Variants in FOXP1 observed in about 807,000 individuals in gnomAD.
FOXP1 encodes the protein forkhead box P1, also known as forkhead box protein P1.
A neutral mutation model predicts 98.2 loss-of-function variants in FOXP1; 15 were observed. The observed-to-expected ratio is 0.15, with a 90% CI of 0.10 to 0.24. The LOEUF (loss-of-function observed/expected upper bound fraction) is 0.24. Ranked by LOEUF, FOXP1 falls within the 10% of genes least tolerant of loss-of-function variation. The pLI is 1.00. For missense variants in FOXP1, 633 were observed against 848.5 expected (o/e 0.75, Z 3.15); for synonymous variants, 371 against 314.5 (o/e 1.18, Z -1.90).
chr3:71,448,054 G>A (rs1323598320), intron 3 of FOXP1, among the ~76,000 whole-genome samples: 3 of 152,114 alleles, frequency 2.0e-5, no homozygotes, highest in East Asian at 1.9e-4. Context: ...AACCCTTCAC[G>A]GGTTGATGCC....
intron 3 of FOXP1, among the ~76,000 whole-genome samples, chr3:71,377,259 GT>G (rs1289333262): frequency 1.3e-4 from 20 of 152,150 alleles, no homozygotes; most frequent in Admixed American, 8.5e-4. Flanking sequence ...TAAAATGGAT[GT>G]TTAAAGCGCT....
At chr3:71,413,039 T>C (rs955990623) in intron 3 of FOXP1, among the ~76,000 whole-genome samples, 2 of 152,004 alleles carry the variant, frequency 1.3e-5, no homozygotes, top group African/African-American at 2.4e-5. Flanking sequence ...GGCTTCGTCT[T>C]TGAAAAACAC....
chr3:71,092,610 T>A (rs556914643), intron 7 of FOXP1, among the ~76,000 whole-genome samples: 26 of 152,286 alleles, frequency 1.7e-4, no homozygotes, highest in Admixed American at 4.6e-4. Flanking sequence ...AGGGTATTTT[T>A]CAAATTCTTT....
At chr3:71,101,260 T>G (rs1013969433) in intron 7 of FOXP1, among the ~76,000 whole-genome samples, 1 of 152,074 alleles carries the variant, frequency 6.6e-6, no homozygotes, top group African/African-American at 2.4e-5. Flanking sequence ...ATACTGAAAT[T>G]CATGTGAAGG....
Position 71,065,994 on chromosome 3 carries a change from GACAC to G in FOXP1, c.283-12225_283-12222del, listed in dbSNP as rs1038388135. ...CTTCCTGGCCTGTATATTTTTTAAA[GACAC>G]ACACACAAAATCCCCACACACATTT... On this transcript the variant is annotated intron_variant, in intron 7 of 20. Coordinates refer to ENST00000649528, the MANE Select transcript of FOXP1 (RefSeq NM_001349338.3). Among the ~76,000 whole-genome samples, 8 of 144,668 alleles carry G rather than the reference GACAC, an allele frequency of 5.5e-5. No individual in the cohort carries two copies. The East Asian group carries it at 6.3e-4, about 11-fold the overall frequency. 94.9% of individuals were successfully genotyped at this position (144,668 alleles called of 152,430 possible). A position where few individuals can be genotyped will look rare whatever the true frequency, so the allele number is the denominator to read the frequency against.
chr3:71,069,350 A>G (rs1265842365), intron 7 of FOXP1, among the ~76,000 whole-genome samples: 1 of 152,232 alleles, frequency 6.6e-6, no homozygotes, highest in East Asian at 1.9e-4. Flanking sequence ...CCCTTACTCT[A>G]AAAGCATTCA....
intron 3 of FOXP1, among the ~76,000 whole-genome samples, chr3:71,490,514 G>A (rs936144676): frequency 4.0e-5 from 6 of 151,728 alleles, no homozygotes; most frequent in Non-Finnish European, 8.8e-5. Context: ...AAAAAAATGG[G>A]AGGAGAATAG....
At chr3:71,533,496 TTA>T (rs2044030408) in intron 2 of FOXP1, among the ~76,000 whole-genome samples, 1 of 152,200 alleles carries the variant, frequency 6.6e-6, no homozygotes, top group Non-Finnish European at 1.5e-5. Flanking sequence ...AATTGACTGT[TTA>T]TGTTACCAGG....
intron 3 of FOXP1, among the ~76,000 whole-genome samples, chr3:71,434,919 G>A (rs1037696602): frequency 6.6e-6 from 1 of 151,934 alleles, no homozygotes; most frequent in Non-Finnish European, 1.5e-5. Context: ...ACAGTTTAAA[G>A]CGCTTGGCTA....
At chr3:71,025,044 G>C (rs1041452302) in intron 11 of FOXP1, among the ~76,000 whole-genome samples, 1 of 152,126 alleles carries the variant, frequency 6.6e-6, no homozygotes, top group East Asian at 1.9e-4. Flanking sequence ...AAGTTTTTAT[G>C]AGTACATCAG....
rs1243607060 is a variant in FOXP1 at position 71,412,962 on chromosome 3, AAG to A, written c.-167-53720_-167-53719del. Among the ~76,000 whole-genome samples, 3 of 152,300 alleles carry A rather than the reference AAG, an allele frequency of 2.0e-5. No individual in the cohort carries two copies. The East Asian group carries it at 5.8e-4, about 29-fold the overall frequency. ...CACATATGCAGTAAGAGTTTAAAAA[AAG>A]GAGGAATTTCAGTAGGTGCTTTGTC... On this transcript the variant is annotated intron_variant, in intron 3 of 20. Coordinates refer to ENST00000649528, the MANE Select transcript of FOXP1 (RefSeq NM_001349338.3).
intron 5 of FOXP1, among the ~76,000 whole-genome samples, chr3:71,246,350 A>G (rs2067750858): frequency 6.6e-6 from 1 of 152,196 alleles, no homozygotes; most frequent in African/African-American, 2.4e-5. Context: ...AACATGTGCC[A>G]TGAGCAAAAG....
intron 1 of FOXP1, chr3:71,582,588 C>A: frequency 1.0e-6 from 1 of 985,468 alleles, no homozygotes; most frequent in Non-Finnish European, 1.2e-6. Flanking sequence ...CTTGGGAAAT[C>A]TCCCCGTCCC....
chr3:71,226,699 C>T (rs1412793366), intron 5 of FOXP1, among the ~76,000 whole-genome samples: 1 of 151,902 alleles, frequency 6.6e-6, no homozygotes, highest in Non-Finnish European at 1.5e-5. Flanking sequence ...TCTTAGTATC[C>T]CTTTCTCTCT....
chr3:71,455,106 A>C (rs2087343846), intron 3 of FOXP1, among the ~76,000 whole-genome samples: 1 of 152,188 alleles, frequency 6.6e-6, no homozygotes, highest in African/African-American at 2.4e-5. Flanking sequence ...CTCTTTACAA[A>C]TAGTCAGTTT....
At chr3:71,425,188 T>A (rs2108351427) in intron 3 of FOXP1, among the ~76,000 whole-genome samples, 1 of 152,264 alleles carries the variant, frequency 6.6e-6, no homozygotes, top group South Asian at 2.1e-4. Context: ...CAATCTCGGC[T>A]CACTGTAGCA....
intron 3 of FOXP1, among the ~76,000 whole-genome samples, chr3:71,380,308 C>T (rs1402623580): frequency 6.6e-6 from 1 of 152,184 alleles, no homozygotes; most frequent in East Asian, 1.9e-4. Flanking sequence ...TCTAATTTTA[C>T]ATCCACAATA....
In FOXP1 at chr3:70,977,544, G is replaced by T; in HGVS notation, c.1428+99C>A. Reference sequence around the variant, plus strand: ...AACCTTATAGAAAAGGTTTCAGCATGCTTGCATACTAAACGGTTTTTAAAT... The same window carrying T: ...AACCTTATAGAAAAGGTTTCAGCATTCTTGCATACTAAACGGTTTTTAAAT... On this transcript the variant is annotated intron_variant, in intron 16 of 20. Coordinates refer to ENST00000649528, the MANE Select transcript of FOXP1 (RefSeq NM_001349338.3). 8.0e-6 allele frequency: 8 copies of T among 997,444 alleles called. No homozygotes were observed. The Middle Eastern group carries it at 9.3e-4, about 115-fold the overall frequency. 61.8% of individuals were successfully genotyped at this position (997,444 alleles called of 1,614,324 possible).
At chr3:71,520,753 T>C (rs922440230) in intron 2 of FOXP1, among the ~76,000 whole-genome samples, 3 of 152,126 alleles carry the variant, frequency 2.0e-5, no homozygotes, top group Non-Finnish European at 4.4e-5. Context: ...CCAAAACAGG[T>C]TGGCATTGAC....
Sources: gnomAD v4.1 joint callset for allele counts (sites outside exome capture counted in the v4.1 genomes callset) on GRCh38, gnomAD v4.1.1 for gene constraint, MANE v1.5 for transcripts, NCBI Gene and HGNC (gene_info 2026-07-23, HGNC 2026-07-21) for gene names.